The following ME3 variants were observed in gnomAD, a reference collection of about 807,000 sequenced individuals.
The protein encoded by ME3 is NADP-dependent malic enzyme, mitochondrial.
ME3 carries 48 observed loss-of-function variants against 68.9 expected under a neutral mutation model. The observed-to-expected ratio is 0.70, with a 90% CI of 0.55 to 0.89. The LOEUF (loss-of-function observed/expected upper bound fraction) is 0.89. Among genes scored for constraint, ME3 ranks in the 40% least tolerant of loss-of-function variants. ME3 has a pLI of 0.00. For missense variants in ME3, 675 were observed against 797.4 expected (o/e 0.85, Z 1.85); for synonymous variants, 320 against 318.8 (o/e 1.00, Z -0.04).
chr11:86,514,059 A>G (rs1440497942), intron 4 of ME3, among the ~76,000 whole-genome samples: 2 of 152,116 alleles, frequency 1.3e-5, no homozygotes, highest in Non-Finnish European at 2.9e-5. Flanking sequence ...GCAGTTTCCC[A>G]CATGCTGTTC....
At chr11:86,567,279 G>GAA (rs1348729051) in intron 2 of ME3, among the ~76,000 whole-genome samples, 7 of 147,626 alleles carry the variant, frequency 4.7e-5, no homozygotes, top group Admixed American at 2.7e-4. Flanking sequence ...AGGAAGGAAG[G>GAA]GAGGAAAAGA....
chr11:86,584,869 A>G (rs1012173756), intron 2 of ME3, among the ~76,000 whole-genome samples: 14 of 152,250 alleles, frequency 9.2e-5, no homozygotes, highest in Non-Finnish European at 1.9e-4. Flanking sequence ...GATCTGCTAT[A>G]TAACATTGTG....
intron 2 of ME3, among the ~76,000 whole-genome samples, chr11:86,616,568 C>T (rs957854348): frequency 6.6e-6 from 1 of 152,152 alleles, no homozygotes; most frequent in African/African-American, 2.4e-5. Context: ...CTGAAAGTCA[C>T]ACAGCATCAG....
chr11:86,598,140 C>A lies in ME3; in HGVS notation c.184-38317G>T, dbSNP rs558035358. 3.3e-5 allele frequency among the ~76,000 whole-genome samples: 5 copies of A among 152,278 alleles called. No homozygotes were observed. In the South Asian group the frequency reaches 8.3e-4, roughly 25 times the overall value. On this transcript the variant is annotated intron_variant, in intron 2 of 14. Transcript: ENST00000543262. ...GCACCATGCGCCAGCCGAAGCAGGG[C>A]AAGGCAGTGCCTCACTCGGGAAGTG... is the stretch of plus-strand genomic sequence containing the variant.
intron 2 of ME3, among the ~76,000 whole-genome samples, chr11:86,561,036 T>A (rs1323673404): frequency 6.6e-6 from 1 of 151,944 alleles, no homozygotes; most frequent in Admixed American, 6.6e-5. Flanking sequence ...GGGGTACATA[T>A]AATAAATGTG....
chr11:86,521,655 A>G (rs1448501472), intron 4 of ME3, among the ~76,000 whole-genome samples: 2 of 152,194 alleles, frequency 1.3e-5, no homozygotes, highest in Non-Finnish European at 2.9e-5. Flanking sequence ...GGACAGGGCA[A>G]CCACATACTT....
chr11:86,557,799 A>G (rs77332146), intron 3 of ME3, among the ~76,000 whole-genome samples: 4,681 of 152,250 alleles, frequency 0.031, 91 homozygotes, highest in Middle Eastern at 0.082. Flanking sequence ...TCTCAATTCT[A>G]CATTCAGTTA....
At chr11:86,488,416 G>A (rs967858397) in intron 6 of ME3, among the ~76,000 whole-genome samples, 1 of 151,254 alleles carries the variant, frequency 6.6e-6, no homozygotes, top group Non-Finnish European at 1.5e-5. Context: ...CTCCCTCCTT[G>A]AAATCTTACT....
rs375906580 is a variant in ME3, at chr11:86,594,298, G to T, written c.184-34475C>A. Among the ~76,000 whole-genome samples the T allele has an allele frequency of 2.1e-5, 3 of 146,330 alleles. 1 individual carries two copies. Among genetic ancestry groups the T allele is most frequent in the African/African-American group, 7.6e-5 (3 of 39,726 alleles). On this transcript the variant is annotated intron_variant, in intron 2 of 14. Transcript: ENST00000543262. ...ATTTATAACACTTAATAAAAATATT[G>T]CATTCCTTAGAGATTTTTCTCCTTT...
chr11:86,453,580 A>T (rs376117519), intron 8 of ME3, among the ~76,000 whole-genome samples: 6 of 152,208 alleles, frequency 3.9e-5, no homozygotes, highest in East Asian at 3.8e-4. Flanking sequence ...GGTAAAATGT[A>T]GGACACTTTG....
At chr11:86,459,750 T>G (rs974784541) in intron 8 of ME3, among the ~76,000 whole-genome samples, 7 of 152,134 alleles carry the variant, frequency 4.6e-5, no homozygotes, top group African/African-American at 1.7e-4. Flanking sequence ...CTTGTCTTGG[T>G]GAAATGTCTG....
At chr11:86,491,373 G>A (rs940212006) in intron 6 of ME3, among the ~76,000 whole-genome samples, 1 of 152,216 alleles carries the variant, frequency 6.6e-6, no homozygotes, top group Non-Finnish European at 1.5e-5. Context: ...CTCACCCTCT[G>A]CCGGGTCCTC....
At chr11:86,477,737 C>T (rs1410884681) in intron 7 of ME3, among the ~76,000 whole-genome samples, 1 of 152,120 alleles carries the variant, frequency 6.6e-6, no homozygotes, top group Non-Finnish European at 1.5e-5. Context: ...GAGGCTGGAC[C>T]TTAACTAGTG....
chr11:86,566,429 C>A (rs952726046), intron 2 of ME3, among the ~76,000 whole-genome samples: 1 of 152,174 alleles, frequency 6.6e-6, no homozygotes, highest in African/African-American at 2.4e-5. Flanking sequence ...TCCCTTCATT[C>A]CTCTGCCACC....
At chr11:86,464,942 T>C in intron 8 of ME3, 149 bp downstream of exon 8, 1 of 606,150 alleles carries the variant, frequency 1.6e-6, no homozygotes, top group Non-Finnish European at 3.0e-6. Flanking sequence ...AAGTAGGAGT[T>C]GAATCTAAGT....
intron 2 of ME3, among the ~76,000 whole-genome samples, chr11:86,601,631 C>T (rs1363941198): frequency 2.6e-5 from 4 of 151,856 alleles, no homozygotes; most frequent in Non-Finnish European, 5.9e-5. Context: ...GATACCAAAG[C>T]CGGGCAGAGA....
chr11:86,508,134 C>A (rs1953221753), intron 5 of ME3, among the ~76,000 whole-genome samples: 1 of 152,106 alleles, frequency 6.6e-6, no homozygotes, highest in African/African-American at 2.4e-5. Flanking sequence ...CATCCCCACC[C>A]CCACACTGCT....
At chr11:86,446,047 C>A (rs1164831282) in intron 13 of ME3, among the ~76,000 whole-genome samples, 1 of 152,180 alleles carries the variant, frequency 6.6e-6, no homozygotes, top group African/African-American at 2.4e-5. Flanking sequence ...ACGCAGGGGG[C>A]AGTATGAGGC....
intron 2 of ME3, among the ~76,000 whole-genome samples, chr11:86,585,341 T>C (rs951057862): frequency 6.6e-6 from 1 of 152,132 alleles, no homozygotes; most frequent in Admixed American, 6.5e-5. Flanking sequence ...TAAGAGGCAA[T>C]GGTAGCTTGT....
Sources: gnomAD v4.1 joint callset for allele counts (sites outside exome capture counted in the v4.1 genomes callset) on GRCh38, gnomAD v4.1.1 for gene constraint, MANE v1.5 for transcripts, NCBI Gene and HGNC (gene_info 2026-07-23, HGNC 2026-07-21) for gene names.